CHD1L: variants seen among roughly 807,000 people sequenced by gnomAD.
CHD1L encodes ATP-dependent chromatin remodeler CHD1L.
Under a neutral mutation model 115.9 loss-of-function variants are expected in CHD1L, and 118 were observed. That is an observed-to-expected ratio of 1.02 (90% CI 0.88 to 1.19). CHD1L has a LOEUF of 1.19. Among genes scored for constraint, CHD1L ranks in the 50% most tolerant of loss-of-function variants. The probability of loss-of-function intolerance (pLI) is 0.00; values close to 1 mark genes in which losing one functional copy is unlikely to be tolerated. For synonymous variants in CHD1L, 411 were observed against 387.1 expected, an observed-to-expected ratio of 1.06 and a Z score of -0.72; for missense variants, 1,179 against 1,065.3, an observed-to-expected ratio of 1.11 and a Z score of -1.49.
intron 1 of CHD1L, among the ~76,000 whole-genome samples, chr1:147,243,499 G>T (rs1215535337): frequency 1.3e-5 from 2 of 152,112 alleles, no homozygotes; most frequent in Admixed American, 1.3e-4. Flanking sequence ...CTTACGGAGA[G>T]TCTGCAAAGC....
Position 147,294,532 on chromosome 1 carries a change from T to A in CHD1L, c.2615+15T>A. 1 of 1,592,082 alleles carries A rather than the reference T, an allele frequency of 6.3e-7. No individual in the cohort carries two copies. Among genetic ancestry groups the A allele is most frequent in the Non-Finnish European group, 8.6e-7 (1 of 1,163,784 alleles). ...CCAACTTACATGTATCCTTTTGTGATCTTCATTGTGTGTTCTCCCAACCCA... is the reference window on the plus strand; with the variant it reads ...CCAACTTACATGTATCCTTTTGTGAACTTCATTGTGTGTTCTCCCAACCCA... On this transcript the variant is annotated intron_variant, in intron 22 of 22. Coordinates refer to ENST00000369258, the MANE Select transcript of CHD1L (RefSeq NM_004284.6).
At chr1:147,294,998 C>T (rs1553975487) in intron 22 of CHD1L, among the ~76,000 whole-genome samples, 2 of 152,188 alleles carry the variant, frequency 1.3e-5, no homozygotes, top group African/African-American at 4.8e-5. Context: ...TCTACTTTAG[C>T]TAGACTAGCG....
At chr1:147,229,473 G>T in the CHD1L span, among the ~76,000 whole-genome samples, 1 of 152,160 alleles carries the variant, frequency 6.6e-6, no homozygotes, top group African/African-American at 2.4e-5. Flanking sequence ...TTTGGCTTAG[G>T]ATTGACTTGG....
At chr1:147,259,664 A>G (rs1339407550) in intron 5 of CHD1L, 173 bp from the exon 6 acceptor site, 12 of 556,514 alleles carry the variant, frequency 2.2e-5, no homozygotes, top group Non-Finnish European at 3.5e-5. Context: ...CCTTATCCAG[A>G]TATTGTATTA....
chr1:147,233,150 G>A, the CHD1L span, among the ~76,000 whole-genome samples: 18 of 148,108 alleles, frequency 1.2e-4, no homozygotes, highest in Non-Finnish European at 1.8e-4. Context: ...GCCCGGCTGC[G>A]ACCCCGTCTG....
rs191992934 is a variant in CHD1L, at chr1:147,274,521, T to C, written c.1271-833T>C. Among the ~76,000 whole-genome samples the C allele has an allele frequency of 5.9e-5, 9 of 152,304 alleles. No homozygotes were observed. In the East Asian group the frequency reaches 1.5e-3, roughly 26 times the overall value. Reference sequence around the variant, plus strand: ...GAACAAGCCCTTTCAGGCTTGCTTGTTTCAGCAACCAGCTCTAACGACCCT... The same window carrying C: ...GAACAAGCCCTTTCAGGCTTGCTTGCTTCAGCAACCAGCTCTAACGACCCT... On this transcript the variant is annotated intron_variant, in intron 12 of 22. Coordinates refer to ENST00000369258, the MANE Select transcript of CHD1L (RefSeq NM_004284.6).
At chr1:147,242,876 G>T in intron 1 of CHD1L, 46 bp downstream of exon 1, 1 of 1,254,576 alleles carries the variant, frequency 8.0e-7, no homozygotes. Context: ...CCAACCTATT[G>T]GGACTGCCTC....
chr1:147,279,096 T>C (rs1559848506), intron 14 of CHD1L, among the ~76,000 whole-genome samples: 1 of 152,156 alleles, frequency 6.6e-6, no homozygotes, highest in East Asian at 1.9e-4. Context: ...GTTATGTGTA[T>C]GGAGGGTAAA....
chr1:147,242,302 G>A (rs782505771), upstream of CHD1L, among the ~76,000 whole-genome samples: 43 of 152,186 alleles, frequency 2.8e-4, no homozygotes, highest in Non-Finnish European at 5.0e-4. Context: ...TGAATCACTG[G>A]AGGGCACGGA....
At chr1:147,227,326 G>A in the CHD1L span, among the ~76,000 whole-genome samples, 2 of 152,090 alleles carry the variant, frequency 1.3e-5, no homozygotes, top group African/African-American at 2.4e-5. Flanking sequence ...AATGCCTAAA[G>A]GAAAACATGA....
the CHD1L span, among the ~76,000 whole-genome samples, chr1:147,197,685 C>T: frequency 6.6e-6 from 1 of 152,108 alleles, no homozygotes; most frequent in African/African-American, 2.4e-5. Flanking sequence ...CCTGAGGCCT[C>T]CCCAGCCATG....
At chr1:147,257,008 A>G (rs1670376876) in intron 5 of CHD1L, among the ~76,000 whole-genome samples, 1 of 152,194 alleles carries the variant, frequency 6.6e-6, no homozygotes, top group South Asian at 2.1e-4. Context: ...GTGCCGTGGA[A>G]TTAACTTTTT....
At chr1:147,274,310 A>G (rs1677431285) in intron 12 of CHD1L, among the ~76,000 whole-genome samples, 1 of 152,196 alleles carries the variant, frequency 6.6e-6, no homozygotes, top group Non-Finnish European at 1.5e-5. Context: ...AGCACAGCGT[A>G]AGTGTCATTA....
At chr1:147,242,633 GC>G, upstream of CHD1L, 2 of 1,239,910 alleles carry the variant, frequency 1.6e-6, no homozygotes, top group Non-Finnish European at 1.0e-6. Flanking sequence ...GCAGTCGCGC[GC>G]CCCCGCGCGT....
intron 16 of CHD1L, 137 bp downstream of exon 16, chr1:147,284,636 T>A: frequency 1.4e-6 from 1 of 730,270 alleles, no homozygotes; most frequent in Non-Finnish European, 2.1e-6. Context: ...GAAATGTTAT[T>A]ATAATTAACT....
rs1256469276 is a variant in CHD1L, at chr1:147,265,965, T to A, written c.773T>A (p.Leu258Gln). Residue 258 changes from leucine (L) to glutamine (Q), a missense_variant, in exon 8 of 23, where the codon CTG becomes CAG. Coordinates refer to ENST00000369258, the MANE Select transcript of CHD1L (RefSeq NM_004284.6). ...CTGCACAAACTCTTGCAGCCATTTC[T>A]GCTGAGGCGAGTGAAAGCTGAGGTA... ...SELHKLLQPF[L>Q]LRRVKAEVAT... The A allele has an allele frequency of 1.2e-6, 2 of 1,613,614 alleles. No individual in the cohort carries two copies. Among genetic ancestry groups the A allele is most frequent in the African/African-American group, 2.7e-5 (2 of 74,902 alleles).
At chr1:147,215,879 T>C in the CHD1L span, 1 of 1,613,544 alleles carries the variant, frequency 6.2e-7, no homozygotes, top group East Asian at 2.2e-5. Context: ...AAGCACATCA[T>C]CTCTTTAGAA....
intron 2 of CHD1L, among the ~76,000 whole-genome samples, chr1:147,253,602 C>T (rs1669098152): frequency 6.6e-6 from 1 of 151,832 alleles, no homozygotes; most frequent in African/African-American, 2.4e-5. Context: ...CTCCCAGGCT[C>T]AAGGAATCCT....
chr1:147,261,726 G>A (rs587742449), intron 6 of CHD1L, among the ~76,000 whole-genome samples: 1 of 151,352 alleles, frequency 6.6e-6, no homozygotes, highest in East Asian at 1.9e-4. Flanking sequence ...AGGAAACTAA[G>A]GCTCAGGGAT....
Sources: allele counts gnomAD v4.1 joint callset (sites outside exome capture counted in the v4.1 genomes callset), GRCh38; gene constraint gnomAD v4.1.1; transcripts MANE v1.5; gene names NCBI Gene and HGNC (gene_info 2026-07-23, HGNC 2026-07-21).